The following IFT88 variants were observed in gnomAD, a reference collection of about 807,000 sequenced individuals.
The protein encoded by IFT88 is intraflagellar transport protein 88 homolog.
Under a neutral mutation model 119.5 loss-of-function variants are expected in IFT88, and 74 were observed. The ratio of observed to expected loss-of-function variants is 0.62; its 90% CI spans 0.51 to 0.75. The LOEUF (loss-of-function observed/expected upper bound fraction) is 0.75, where lower values mean the gene tolerates loss of function less well. IFT88 is among the 30% of genes least tolerant of loss of function. IFT88 has a pLI of 0.00. For missense variants in IFT88, 961 were observed against 977.7 expected (o/e 0.98, Z 0.23); for synonymous variants, 279 against 316.7 (o/e 0.88, Z 1.26).
chr13:20,598,787 T>C (rs760374072), intron 10 of IFT88, 34 bp downstream of exon 10: 1 of 1,252,048 alleles, frequency 8.0e-7, no homozygotes, highest in Admixed American at 1.7e-5. Context: ...CCAATAGATG[T>C]AATTCTTTCG....
chr13:20,683,904 A>G (rs1205160790), intron 24 of IFT88, among the ~76,000 whole-genome samples: 1 of 151,934 alleles, frequency 6.6e-6, no homozygotes, highest in Non-Finnish European at 1.5e-5. Context: ...GAATTTCCCC[A>G]TTGTAATCTG....
intron 24 of IFT88, among the ~76,000 whole-genome samples, chr13:20,672,369 A>T (rs1207002325): frequency 6.6e-6 from 1 of 152,146 alleles, no homozygotes; most frequent in East Asian, 1.9e-4. Context: ...AATCAGTAAA[A>T]GCAGCATTGA....
At chr13:20,674,648 G>A (rs1257842319) in intron 24 of IFT88, among the ~76,000 whole-genome samples, 1 of 146,788 alleles carries the variant, frequency 6.8e-6, no homozygotes, top group Non-Finnish European at 1.5e-5. Flanking sequence ...TTCACTTTAT[G>A]GTATCTTTTA....
At chr13:20,603,057 A>G (rs1054729576) in intron 12 of IFT88, among the ~76,000 whole-genome samples, 7 of 152,198 alleles carry the variant, frequency 4.6e-5, no homozygotes, top group African/African-American at 1.4e-4. Context: ...CACCAATATA[A>G]AACAGTAGTT....
chr13:20,598,703 C>T lies in IFT88; in HGVS notation c.647C>T (p.Ala216Val). Reference sequence around the variant, plus strand: ...TCAGTTAATGAAATGTATGCCGAAGCACTTAACACTTATCAAGTTATAGTC... The same window carrying T: ...TCAGTTAATGAAATGTATGCCGAAGTACTTAACACTTATCAAGTTATAGTC... ...QYSVNEMYAE[A>V]LNTYQVIVKN... The change falls in exon 10 of 26, where the codon GCA becomes GTA. Residue 216 changes from alanine to valine, a missense_variant. By Grantham distance (64) the Ala-to-Val change is moderately conservative. Coordinates refer to ENST00000351808, the MANE Select transcript of IFT88 (RefSeq NM_006531.5). 1 of 1,610,812 alleles carries T rather than the reference C, an allele frequency of 6.2e-7. No homozygotes were observed. Among genetic ancestry groups the T allele is most frequent in the East Asian group, 2.2e-5 (1 of 44,664 alleles).
intron 21 of IFT88, among the ~76,000 whole-genome samples, chr13:20,654,788 AT>A (rs1317028576): frequency 6.6e-6 from 1 of 152,212 alleles, no homozygotes; most frequent in African/African-American, 2.4e-5. Flanking sequence ...TATACATTCA[AT>A]TTATATCAAC....
At chr13:20,619,013 C>T (rs971436966) in intron 14 of IFT88, among the ~76,000 whole-genome samples, 52 of 151,994 alleles carry the variant, frequency 3.4e-4, no homozygotes, top group African/African-American at 1.1e-3. Context: ...CACATTGCCA[C>T]GCCCGGCCAA....
intron 1 of IFT88, chr13:20,568,026 A>G: frequency 2.8e-6 from 2 of 713,572 alleles, no homozygotes; most frequent in Non-Finnish European, 5.2e-6. Flanking sequence ...AAAAAATCGC[A>G]AAAAAGAATC....
rs1024925862 is a variant in IFT88 at position 20,583,641 on chromosome 13, A to G, written c.153+622A>G. On this transcript the variant is annotated intron_variant, in intron 3 of 25. Coordinates refer to ENST00000351808, the MANE Select transcript of IFT88 (RefSeq NM_006531.5). Reference sequence around the variant, plus strand: ...AGTTTTTTAGTTTGATGTAGTCCCAATTGTCCATCTTTACTTGTGTTGCTT... The same window carrying G: ...AGTTTTTTAGTTTGATGTAGTCCCAGTTGTCCATCTTTACTTGTGTTGCTT... 5.9e-5 allele frequency among the ~76,000 whole-genome samples: 9 copies of G among 152,106 alleles called. No individual in the cohort carries two copies. The South Asian group carries it at 6.2e-4, about 11-fold the overall frequency.
intron 22 of IFT88, among the ~76,000 whole-genome samples, chr13:20,659,816 G>T (rs1210070108): frequency 6.6e-6 from 1 of 151,922 alleles, no homozygotes; most frequent in East Asian, 1.9e-4. Context: ...GCTAATTTTT[G>T]TAGTTTTAGT....
At chr13:20,683,358 G>T (rs1315410609) in intron 24 of IFT88, among the ~76,000 whole-genome samples, 2 of 152,036 alleles carry the variant, frequency 1.3e-5, no homozygotes, top group Non-Finnish European at 2.9e-5. Context: ...CTAATCCCAT[G>T]CCAGGCACGT....
Position 20,691,182 on chromosome 13 carries a change from C to T in IFT88, c.*7C>T. The stretch of plus-strand genomic sequence containing the variant: ...TGATTTGCTTCCAGAATAATATTCA[C>T]TTTAATATTTATTAAAGGAAAGAAA... On this transcript the variant is annotated 3_prime_UTR_variant, in exon 26 of 26. Coordinates refer to ENST00000351808, the MANE Select transcript of IFT88 (RefSeq NM_006531.5). The T allele has an allele frequency of 1.2e-6, 2 of 1,606,626 alleles. No individual in the cohort carries two copies. The highest frequency in any genetic ancestry group is 1.7e-6 in the Non-Finnish European group (2 of 1,175,436).
At chr13:20,676,787 A>G (rs2056721927) in intron 24 of IFT88, among the ~76,000 whole-genome samples, 1 of 152,262 alleles carries the variant, frequency 6.6e-6, no homozygotes, top group African/African-American at 2.4e-5. Flanking sequence ...GAGGCAAGTT[A>G]CAAAAAGCAC....
intron 20 of IFT88, among the ~76,000 whole-genome samples, chr13:20,645,565 T>C (rs188751522): frequency 7.2e-5 from 11 of 152,316 alleles, no homozygotes; most frequent in East Asian, 1.9e-4. Flanking sequence ...AAATGACTTA[T>C]CTCAGTCCTA....
chr13:20,601,707 T>G lies in IFT88; in HGVS notation c.815T>G (p.Ile272Ser). ...TAATCCATGTCTTTTTCTTTTAGGA[T>G]TAAAATAATGCAGAATATTGGAGTT... ...QVPSVNKQMR[I>S]KIMQNIGVTF... Residue 272 changes from isoleucine to serine, a missense_variant and splice_region_variant, in exon 12 of 26, where the codon ATT becomes AGT. Ile to Ser is a moderately radical substitution (Grantham distance 142, BLOSUM62 -2). Transcript: ENST00000351808. 1.9e-6 allele frequency: 3 copies of G among 1,588,094 alleles called. No homozygotes were observed. The highest frequency in any genetic ancestry group is 2.6e-6 in the Non-Finnish European group (3 of 1,159,046).
chr13:20,588,277 A>G (rs2040071904), intron 3 of IFT88, among the ~76,000 whole-genome samples: 2 of 151,744 alleles, frequency 1.3e-5, no homozygotes, highest in South Asian at 2.1e-4. Context: ...TTCCTTTTTT[A>G]TAGTTTTTAG....
intron 2 of IFT88, among the ~76,000 whole-genome samples, chr13:20,578,119 A>G (rs1272230040): frequency 7.7e-6 from 1 of 130,206 alleles, no homozygotes; most frequent in African/African-American, 2.9e-5. Context: ...ATCTCAGCTC[A>G]CTGCAAGCTC....
intron 12 of IFT88, 76 bp from the exon 13 acceptor site, chr13:20,604,954 TCAAAA>T (rs562658327): frequency 9.6e-6 from 7 of 727,392 alleles, no homozygotes; most frequent in Admixed American, 4.6e-5. Flanking sequence ...AGGCTGTATC[TCAAAA>T]CAAAACAAAA....
chr13:20,671,185 G>T (rs965880300), intron 24 of IFT88, 146 bp downstream of exon 24: 1 of 523,818 alleles, frequency 1.9e-6, no homozygotes, highest in Non-Finnish European at 3.4e-6. Context: ...AATTAATTTG[G>T]TAAGCAGTCA....
Sources: gnomAD v4.1 joint callset for allele counts (sites outside exome capture counted in the v4.1 genomes callset) on GRCh38, gnomAD v4.1.1 for gene constraint, MANE v1.5 for transcripts, NCBI Gene and HGNC (gene_info 2026-07-23, HGNC 2026-07-21) for gene names.